The following MAP1B variants were observed in gnomAD, a reference collection of about 807,000 sequenced individuals.
The protein encoded by MAP1B is microtubule-associated protein 1B.
Under a neutral mutation model 176.1 loss-of-function variants are expected in MAP1B, and 12 were observed. The ratio of observed to expected loss-of-function variants is 0.07; its 90% CI spans 0.04 to 0.11. MAP1B has a LOEUF of 0.11. Ranked by LOEUF, MAP1B falls within the 10% of genes least tolerant of loss-of-function variation. The pLI is 1.00. For synonymous variants in MAP1B, 1,044 were observed against 1,135.0 expected (o/e 0.92, Z 1.61); for missense variants, 2,523 against 2,990.5 (o/e 0.84, Z 3.65).
At position 72,186,441 on chromosome 5, in the gene MAP1B, G is replaced by A. The variant is rs139350819; in HGVS notation, c.370-173G>A. Among the ~76,000 whole-genome samples the A allele has an allele frequency of 1.5e-3, 223 of 152,312 alleles. No homozygotes were observed. The highest frequency in any genetic ancestry group is 5.1e-3 in the African/African-American group (210 of 41,556). ...CTTTGTGGATGATCCTACAGCCAGGGATCCATTCAACCCTCCCGTGCTCTT... is the reference window on the plus strand; with the variant it reads ...CTTTGTGGATGATCCTACAGCCAGGAATCCATTCAACCCTCCCGTGCTCTT... On this transcript the variant is annotated intron_variant, in intron 3 of 6. Coordinates refer to ENST00000296755, the MANE Select transcript of MAP1B (RefSeq NM_005909.5). This position sits in a 1 kb window ranked among gnomAD's most constrained non-coding sequence, Gnocchi z 4.3.
rs774406851 is a variant in MAP1B, at chr5:72,193,849, C to T, written c.511-17C>T. The T allele has an allele frequency of 6.4e-7, 1 of 1,554,738 alleles. No homozygotes were observed. Among genetic ancestry groups the T allele is most frequent in the South Asian group, 1.3e-5 (1 of 79,238 alleles). On this transcript the variant is annotated splice_polypyrimidine_tract_variant and intron_variant, in intron 4 of 6. Coordinates refer to ENST00000296755, the MANE Select transcript of MAP1B (RefSeq NM_005909.5). ...ACTTACACCTTTTCTTTCTTTCTTTCTTTCTTTAAAACCCAGATCGGGGAG... is the reference window on the plus strand; with the variant it reads ...ACTTACACCTTTTCTTTCTTTCTTTTTTTCTTTAAAACCCAGATCGGGGAG...
At chr5:72,157,996 C>A (rs992086763) in intron 2 of MAP1B, among the ~76,000 whole-genome samples, 1 of 144,666 alleles carries the variant, frequency 6.9e-6, no homozygotes, top group Admixed American at 7.2e-5. Context: ...TCTGCTACTA[C>A]ACCTGGCTAA....
chr5:72,118,666 T>G (rs1009328698), intron 2 of MAP1B, among the ~76,000 whole-genome samples: 2 of 152,178 alleles, frequency 1.3e-5, no homozygotes, highest in Admixed American at 6.5e-5. Context: ...CAGGCTGGTC[T>G]TAAACTCCTG....
intron 3 of MAP1B, among the ~76,000 whole-genome samples, chr5:72,185,750 G>T (rs1355353325): frequency 6.6e-6 from 1 of 152,218 alleles, no homozygotes; most frequent in African/African-American, 2.4e-5. Flanking sequence ...AATTACTTAG[G>T]TACATGTGTT....
intron 2 of MAP1B, among the ~76,000 whole-genome samples, chr5:72,162,397 G>A (rs1746344058): frequency 6.6e-6 from 1 of 151,714 alleles, no homozygotes; most frequent in East Asian, 1.9e-4. Context: ...ATGACTGGGG[G>A]GGCATCTTTT....
rs750264343 is a variant in MAP1B, at chr5:72,196,894, T to G, written c.3539T>G (p.Val1180Gly). Reference protein sequence around the residue: ...YSQEYSKPADVTPLNGFSEGS... With the variant: ...YSQEYSKPADGTPLNGFSEGS... ...CAGGAATACTCTAAACCTGCTGATG[T>G]TACACCGCTCAACGGATTTTCTGAA... is the stretch of plus-strand genomic sequence containing the variant. Residue 1180 changes from valine to glycine, a missense_variant, in exon 5 of 7, where the codon GTT (valine) becomes GGT (glycine). By Grantham distance (109) the Val-to-Gly change is moderately radical. Around this residue, in one of 4 missense-constraint regions of MAP1B, gnomAD observed 1,925 missense variants for 2,126.0 expected, o/e 0.91. Coordinates refer to ENST00000296755, the MANE Select transcript of MAP1B (RefSeq NM_005909.5). This position sits in a 1 kb window ranked among gnomAD's most constrained non-coding sequence, Gnocchi z 5.3. 1 of 1,614,238 alleles carries G rather than the reference T, an allele frequency of 6.2e-7. No homozygotes were observed. The highest frequency in any genetic ancestry group is 1.1e-5 in the South Asian group (1 of 91,082).
At chr5:72,139,303 T>C (rs2112151377) in intron 2 of MAP1B, among the ~76,000 whole-genome samples, 1 of 152,332 alleles carries the variant, frequency 6.6e-6, no homozygotes, top group South Asian at 2.1e-4. Context: ...CAAACCTTTA[T>C]CACAGTGCAG....
chr5:72,186,559 G>T lies in MAP1B; in HGVS notation c.370-55G>T. 6.3e-7 allele frequency: 1 copy of T among 1,598,208 alleles called. No homozygotes were observed. The highest frequency in any genetic ancestry group is 8.5e-7 in the Non-Finnish European group (1 of 1,170,228). On this transcript the variant is annotated intron_variant, in intron 3 of 6. Transcript: ENST00000296755. This position sits in a 1 kb window ranked among gnomAD's most constrained non-coding sequence, Gnocchi z 4.3. The stretch of plus-strand genomic sequence containing the variant: ...TCCGAAGGCTAGCCCTGTCCTGAAG[G>T]TGGGATGGCAGCACTGCCCATGGCT...
In MAP1B at chr5:72,197,039, C is replaced by T. The variant is rs753515475; in HGVS notation, c.3684C>T (p.Cys1228=). Residue 1228 remains cysteine (C), a synonymous_variant, in exon 5 of 7, where the codon TGC becomes TGT. Coordinates refer to ENST00000296755, the MANE Select transcript of MAP1B (RefSeq NM_005909.5). ...FSRSALRDAY[C]SEVKASTTLD... ...GATCTGCTTTACGTGATGCTTACTG[C>T]TCTGAAGTGAAAGCCAGCACCACTT... 8 of 1,614,162 alleles carry T rather than the reference C, an allele frequency of 5.0e-6. No homozygotes were observed. In the East Asian group the frequency reaches 1.6e-4, roughly 31 times the overall value.
At chr5:72,143,697 C>T (rs966429336) in intron 2 of MAP1B, among the ~76,000 whole-genome samples, 1 of 152,150 alleles carries the variant, frequency 6.6e-6, no homozygotes, top group Admixed American at 6.5e-5. Flanking sequence ...AATGTATTGT[C>T]TCACATTCCA....
intron 2 of MAP1B, among the ~76,000 whole-genome samples, chr5:72,161,956 CAAAAAAAAAA>C (rs4043357): frequency 1.2e-5 from 1 of 85,024 alleles, no homozygotes; most frequent in African/African-American, 4.4e-5. Flanking sequence ...AATTCCGTCT[CAAAAAAAAAA>C]AAAAAAAAAA....
rs149278396 is a variant in MAP1B, at chr5:72,198,653, C to T, written c.5298C>T (p.Thr1766=). Residue 1766 remains threonine, a synonymous_variant, in exon 5 of 7, where the codon ACC becomes ACT. Coordinates refer to ENST00000296755, the MANE Select transcript of MAP1B (RefSeq NM_005909.5). ...PRDMSLYASL[T]SEKVQSLEGE... Reference sequence around the variant, plus strand: ...ATATGTCCTTATATGCCTCACTCACCTCTGAAAAAGTGCAAAGTCTGGAAG... The same window carrying T: ...ATATGTCCTTATATGCCTCACTCACTTCTGAAAAAGTGCAAAGTCTGGAAG... The T allele has an allele frequency of 6.8e-5, 110 of 1,614,202 alleles. No homozygotes were observed. In the African/African-American group the frequency reaches 1.1e-3, roughly 16 times the overall value.
chr5:72,144,136 C>T (rs965742890), intron 2 of MAP1B, among the ~76,000 whole-genome samples: 6 of 152,152 alleles, frequency 3.9e-5, no homozygotes, highest in Non-Finnish European at 8.8e-5. Context: ...TCCACGTGGA[C>T]ATTTGTGGGG....
In MAP1B at chr5:72,186,712, T is replaced by C. The variant is rs1261480960; in HGVS notation, c.468T>C (p.Ser156=). The C allele has an allele frequency of 1.9e-6, 3 of 1,614,092 alleles. No homozygotes were observed. The South Asian group carries it at 3.3e-5, about 18-fold the overall frequency. Reference sequence around the variant, plus strand: ...GAGAGCTCATTCTCCAGTCCGGCTCTTTCTCCTTCCAGAACTTCATAGAGA... The same window carrying C: ...GAGAGCTCATTCTCCAGTCCGGCTCCTTCTCCTTCCAGAACTTCATAGAGA... ...NTGELILQSG[S]FSFQNFIEIF... The change falls in exon 4 of 7, where the codon TCT becomes TCC. Residue 156 remains serine, a synonymous_variant. Transcript: ENST00000296755. This position sits in a 1 kb window ranked among gnomAD's most constrained non-coding sequence, Gnocchi z 4.3.
chr5:72,190,624 T>C (rs1747006362), intron 4 of MAP1B, among the ~76,000 whole-genome samples: 1 of 152,356 alleles, frequency 6.6e-6, no homozygotes, highest in South Asian at 2.1e-4. Context: ...AAATATGATA[T>C]GCATGCCTTC....
intron 2 of MAP1B, among the ~76,000 whole-genome samples, chr5:72,129,652 C>G (rs1480180756): frequency 6.6e-6 from 1 of 152,052 alleles, no homozygotes; most frequent in Non-Finnish European, 1.5e-5. Flanking sequence ...TGGTATCCCT[C>G]ACGCGTTTTC....
At chr5:72,153,754 T>C (rs749315883) in intron 2 of MAP1B, among the ~76,000 whole-genome samples, 1 of 152,226 alleles carries the variant, frequency 6.6e-6, no homozygotes, top group Non-Finnish European at 1.5e-5. Flanking sequence ...CCTTTCCCTT[T>C]GTTTAGAGAA....
rs1746389537 is a variant in MAP1B, at chr5:72,164,454, C to T, written c.287-19289C>T. ...GAGCAGTGGTTCCTTCATTGAATGA[C>T]ACTAATTTGGCTATTCTCTGGGTCT... On this transcript the variant is annotated intron_variant, in intron 2 of 6. Transcript: ENST00000296755. 2.0e-5 allele frequency among the ~76,000 whole-genome samples: 3 copies of T among 152,272 alleles called. No individual in the cohort carries two copies. The South Asian group carries it at 6.2e-4, about 32-fold the overall frequency.
Position 72,159,666 on chromosome 5 carries a change from G to A in MAP1B, c.287-24077G>A, listed in dbSNP as rs543275175. On this transcript the variant is annotated intron_variant, in intron 2 of 6. Transcript: ENST00000296755. ...CTCTTAATGGCCATAAAACATTGGC[G>A]TTGATAGATTTTAGAGGCAGGCAGC... Among the ~76,000 whole-genome samples, 14 of 152,306 alleles carry A rather than the reference G, an allele frequency of 9.2e-5. No homozygotes were observed. The South Asian group carries it at 1.9e-3, about 20-fold the overall frequency.
Sources: gnomAD v4.1 joint callset for allele counts (sites outside exome capture counted in the v4.1 genomes callset) on GRCh38, gnomAD v4.1.1 for gene constraint, gnomAD v4.1.1 regional missense constraint, Gnocchi (gnomAD v3.1) non-coding constraint, MANE v1.5 for transcripts, NCBI Gene and HGNC (gene_info 2026-07-23, HGNC 2026-07-21) for gene names.